Variants in CREBBP observed in about 807,000 individuals in gnomAD.
CREBBP encodes the protein CREB binding lysine acetyltransferase.
A neutral mutation model predicts 265.0 loss-of-function variants in CREBBP; 19 were observed. The observed-to-expected ratio is 0.07, with a 90% CI of 0.05 to 0.11. The LOEUF (loss-of-function observed/expected upper bound fraction) is 0.11, where lower values mean the gene tolerates loss of function less well. Among genes scored for constraint, CREBBP ranks in the 10% least tolerant of loss-of-function variants. The pLI, the probability that CREBBP is intolerant of heterozygous loss-of-function variation, is 1.00. For synonymous variants in CREBBP, 1,457 were observed against 1,223.7 expected, an observed-to-expected ratio of 1.19 and a Z score of -3.98; for missense variants, 2,525 against 3,219.0, an observed-to-expected ratio of 0.78 and a Z score of 5.22.
At chr16:3,812,913 G>T (rs1567332981) in intron 2 of CREBBP, 1 of 203,578 alleles carries the variant, frequency 4.9e-6, no homozygotes, top group African/African-American at 2.3e-5. Context: ...AGAAATCATA[G>T]CTCAGTTCTC....
In CREBBP at chr16:3,727,837, C is replaced by T. The variant is rs863223334; in HGVS notation, c.7210G>A (p.Glu2404Lys). The T allele has an allele frequency of 3.1e-6, 5 of 1,613,982 alleles. No homozygotes were observed. Among genetic ancestry groups the T allele is most frequent in the African/African-American group, 1.3e-5 (1 of 74,914 alleles). ...SIDQGHLGNP[E>K]QSAMLPQLNT... ...AGCTGGGGGAGCATTGCACTCTGTT[C>T]GGGGTTCCCCAAGTGTCCCTGATCT... Residue 2404 changes from glutamate to lysine, a missense_variant, in exon 31 of 31, where the codon GAA becomes AAA. By Grantham distance (56) the Glu-to-Lys change is moderately conservative (BLOSUM62 1). This residue lies in a region of CREBBP where 473 missense variants were observed against 459.3 expected (regional missense o/e 1.03). Coordinates refer to ENST00000262367, the MANE Select transcript of CREBBP (RefSeq NM_004380.3).
At chr16:3,871,193 TCTCACTCACACA>T (rs2055289667) in intron 1 of CREBBP, among the ~76,000 whole-genome samples, 1 of 142,500 alleles carries the variant, frequency 7.0e-6, no homozygotes, top group Non-Finnish European at 1.6e-5. Flanking sequence ...TCTCTCTCTC[TCTCACTCACACA>T]CACACACACA....
intron 1 of CREBBP, among the ~76,000 whole-genome samples, chr16:3,873,532 C>T (rs927925043): frequency 1.4e-4 from 22 of 152,176 alleles, no homozygotes; most frequent in African/African-American, 5.3e-4. Flanking sequence ...ACTAGCACTC[C>T]CAGTAAGTCC....
chr16:3,750,336 T>C (rs936318140), intron 20 of CREBBP, among the ~76,000 whole-genome samples: 16 of 152,232 alleles, frequency 1.1e-4, no homozygotes, highest in African/African-American at 3.9e-4. Flanking sequence ...AGGTTTTTTC[T>C]GCATTTGAAC....
chr16:3,836,440 A>G (rs1167453833), intron 2 of CREBBP, among the ~76,000 whole-genome samples: 4 of 151,472 alleles, frequency 2.6e-5, no homozygotes, highest in Non-Finnish European at 4.4e-5. Flanking sequence ...TCTCAAAAAA[A>G]AAAAAAAAAG....
chr16:3,846,673 T>G (rs1305100299), intron 2 of CREBBP, among the ~76,000 whole-genome samples: 2 of 152,278 alleles, frequency 1.3e-5, no homozygotes, highest in African/African-American at 2.4e-5. Flanking sequence ...TTCCAACTTG[T>G]ATTGTTAAGT....
At chr16:3,819,123 C>G (rs1473929671) in intron 2 of CREBBP, among the ~76,000 whole-genome samples, 2 of 152,276 alleles carry the variant, frequency 1.3e-5, no homozygotes, top group Non-Finnish European at 2.9e-5. Context: ...ATGCCTCTTT[C>G]TGAAAAAACC....
Position 3,850,906 on chromosome 16 carries a change from A to G in CREBBP, c.189T>C (p.Ala63=). ...LLNSGNLVPD[A]ASKHKQLSEL... ...CCGACAGTTGTTTATGTTTGGAAGC[A>G]GCATCTGGAACAAGGTTCCCACTGT... Residue 63 remains alanine, a synonymous_variant, in exon 2 of 31, where the codon GCT becomes GCC. Coordinates refer to ENST00000262367, the MANE Select transcript of CREBBP (RefSeq NM_004380.3). 6 of 1,614,206 alleles carry G rather than the reference A, an allele frequency of 3.7e-6. No individual in the cohort carries two copies. The highest frequency in any genetic ancestry group is 4.2e-6 in the Non-Finnish European group (5 of 1,180,042).
intron 21 of CREBBP, chr16:3,745,744 G>T: frequency 2.8e-6 from 1 of 351,866 alleles, no homozygotes; most frequent in Non-Finnish European, 5.4e-6. Flanking sequence ...TTAAAAAATA[G>T]AGAACAATAC....
chr16:3,810,468 T>C (rs2053915854), intron 3 of CREBBP, 135 bp downstream of exon 3: 1 of 1,002,120 alleles, frequency 1.0e-6, no homozygotes, highest in African/African-American at 1.6e-5. Flanking sequence ...GAGCTACTCA[T>C]GAGAAATCTG....
intron 1 of CREBBP, among the ~76,000 whole-genome samples, chr16:3,871,770 T>C (rs2055304551): frequency 6.6e-6 from 1 of 152,236 alleles, no homozygotes; most frequent in Non-Finnish European, 1.5e-5. Flanking sequence ...AACAGAATTG[T>C]ACAACTCCAC....
chr16:3,823,871 C>T (rs1197224208), intron 2 of CREBBP, among the ~76,000 whole-genome samples: 2 of 152,090 alleles, frequency 1.3e-5, no homozygotes, highest in Non-Finnish European at 2.9e-5. Flanking sequence ...GACCACTAGG[C>T]AGCTATCACG....
At chr16:3,844,882 A>G (rs2054634152) in intron 2 of CREBBP, among the ~76,000 whole-genome samples, 1 of 152,180 alleles carries the variant, frequency 6.6e-6, no homozygotes, top group Non-Finnish European at 1.5e-5. Context: ...AAACTTAGTA[A>G]GAAAGATTTA....
Position 3,850,346 on chromosome 16 carries a change from A to G in CREBBP, c.749T>C (p.Met250Thr). Residue 250 changes from methionine to threonine, a missense_variant, in exon 2 of 31, where the codon ATG becomes ACG. By Grantham distance (81) the Met-to-Thr change is moderately conservative (BLOSUM62 -1). Around this residue, in one of 19 missense-constraint regions of CREBBP, gnomAD observed 356 missense variants for 340.4 expected, o/e 1.05. Transcript: ENST00000262367. ...AETLTQVSPQ[M>T]TGHAGLNTAQ... ...GGTGTTCAGTCCCGCGTGACCAGTC[A>G]TTTGCGGGGAAACCTGCGTTAGGGT... 1.2e-6 allele frequency: 2 copies of G among 1,614,206 alleles called. No homozygotes were observed. The highest frequency in any genetic ancestry group is 1.6e-4 in the Middle Eastern group (1 of 6,062).
chr16:3,868,508 G>A (rs781203219), intron 1 of CREBBP, among the ~76,000 whole-genome samples: 14 of 151,894 alleles, frequency 9.2e-5, no homozygotes, highest in Admixed American at 4.6e-4. Flanking sequence ...CTCTGGACAC[G>A]GGTTTTTTAA....
intron 1 of CREBBP, among the ~76,000 whole-genome samples, chr16:3,852,193 C>T (rs1319082788): frequency 2.1e-5 from 2 of 95,620 alleles, no homozygotes; most frequent in African/African-American, 8.0e-5. Flanking sequence ...GAGACAGAGT[C>T]TCGCTCTGCG....
chr16:3,772,137 G>A (rs1034975091), intron 13 of CREBBP, among the ~76,000 whole-genome samples: 10 of 151,526 alleles, frequency 6.6e-5, no homozygotes, highest in Admixed American at 2.0e-4. Flanking sequence ...TCTATAACAT[G>A]TACCCAATGT....
At chr16:3,863,734 C>T (rs944245439) in intron 1 of CREBBP, among the ~76,000 whole-genome samples, 1 of 152,182 alleles carries the variant, frequency 6.6e-6, no homozygotes, top group Non-Finnish European at 1.5e-5. Context: ...CAGGGAAGTG[C>T]CATTCCCAGA....
chr16:3,729,216 G>A lies in CREBBP; in HGVS notation c.5831C>T (p.Ala1944Val), dbSNP rs751146607. Residue 1944 changes from alanine (A) to valine (V), a missense_variant, in exon 31 of 31, where the codon GCC becomes GTC. Ala to Val is a moderately conservative substitution (Grantham distance 64). Coordinates refer to ENST00000262367, the MANE Select transcript of CREBBP (RefSeq NM_004380.3). ...AGGGGGCTGGGCCGGGGGTGGGGGG[G>A]CCGGCACCTGGCTGGTAGGCTTCCC... Reference protein sequence around the residue: ...STGKPTSQVPAPPPPAQPPPA... With the variant: ...STGKPTSQVPVPPPPAQPPPA... 9 of 1,165,454 alleles carry A rather than the reference G, an allele frequency of 7.7e-6. No individual in the cohort carries two copies. The African/African-American group carries it at 7.9e-5, about 10-fold the overall frequency. 72.2% of individuals were successfully genotyped at this position (1,165,454 alleles called of 1,614,324 possible).
Sources: allele counts gnomAD v4.1 joint callset (sites outside exome capture counted in the v4.1 genomes callset), GRCh38; gene constraint gnomAD v4.1.1; regional missense constraint gnomAD v4.1.1; transcripts MANE v1.5; gene names NCBI Gene and HGNC (gene_info 2026-07-23, HGNC 2026-07-21).